LRP1B: variants seen among roughly 807,000 people sequenced by gnomAD.
The protein encoded by LRP1B is LDL receptor related protein 1B, also known as low-density lipoprotein receptor-related protein 1B.
Under a neutral mutation model 556.6 loss-of-function variants are expected in LRP1B, and 217 were observed. The observed-to-expected ratio is 0.39, with a 90% CI of 0.35 to 0.44. The LOEUF is 0.44. LRP1B is among the 20% of genes least tolerant of loss of function. LRP1B has a pLI of 1.00. For missense variants in LRP1B, 5,053 were observed against 5,620.8 expected, an observed-to-expected ratio of 0.90 and a Z score of 3.23; for synonymous variants, 2,047 against 1,865.8, an observed-to-expected ratio of 1.10 and a Z score of -2.50.
chr2:140,527,063 G>A (rs1299482628), intron 47 of LRP1B, among the ~76,000 whole-genome samples: 1 of 151,770 alleles, frequency 6.6e-6, no homozygotes, highest in Non-Finnish European at 1.5e-5. Flanking sequence ...CCTTATTATT[G>A]TTATTATAAA....
chr2:140,378,056 T>C (rs1486161231), intron 68 of LRP1B, 124 bp downstream of exon 68: 23 of 646,412 alleles, frequency 3.6e-5, no homozygotes, highest in Non-Finnish European at 6.4e-5. Context: ...ATAATACTTA[T>C]CTCAATGTGT....
intron 1 of LRP1B, among the ~76,000 whole-genome samples, chr2:141,888,082 T>A (rs1390278110): frequency 6.6e-6 from 1 of 152,176 alleles, no homozygotes; most frequent in African/African-American, 2.4e-5. Context: ...ATTCAAAGTG[T>A]CCTCCTTCCA....
chr2:141,094,760 C>T lies in LRP1B; in HGVS notation c.1014-32487G>A, dbSNP rs1293789310. On this transcript the variant is annotated intron_variant, in intron 7 of 90. Transcript: ENST00000389484. Reference sequence around the variant, plus strand: ...GCCTCTCAGGCCATACAGCTGTTGTCTAGAAACTCAAGGAAGAATTTTAAG... The same window carrying T: ...GCCTCTCAGGCCATACAGCTGTTGTTTAGAAACTCAAGGAAGAATTTTAAG... Among the ~76,000 whole-genome samples the T allele has an allele frequency of 2.0e-5, 3 of 152,240 alleles. No homozygotes were observed. The East Asian group carries it at 5.8e-4, about 29-fold the overall frequency.
intron 2 of LRP1B, among the ~76,000 whole-genome samples, chr2:141,717,434 C>A (rs553639131): frequency 6.6e-6 from 1 of 152,316 alleles, no homozygotes; most frequent in South Asian, 2.1e-4. Flanking sequence ...AGTGGCAGAA[C>A]TCCAGTGTTT....
chr2:141,304,540 C>T (rs576110464), intron 3 of LRP1B, among the ~76,000 whole-genome samples: 26 of 137,668 alleles, frequency 1.9e-4, no homozygotes, highest in South Asian at 6.8e-4. Flanking sequence ...AGTACAGTGG[C>T]GTGATCTTGG....
chr2:140,327,981 A>C (rs532578212), intron 79 of LRP1B, among the ~76,000 whole-genome samples: 1 of 152,202 alleles, frequency 6.6e-6, no homozygotes, highest in East Asian at 1.9e-4. Context: ...TAAAAGAGAT[A>C]GTCTTCTAAA....
chr2:141,297,823 C>A (rs992484267), intron 3 of LRP1B, among the ~76,000 whole-genome samples: 3 of 152,096 alleles, frequency 2.0e-5, no homozygotes, highest in Non-Finnish European at 4.4e-5. Flanking sequence ...TTTAGATACA[C>A]AAACACTTAC....
At chr2:140,703,156 G>T (rs1280484500) in intron 37 of LRP1B, among the ~76,000 whole-genome samples, 2 of 152,034 alleles carry the variant, frequency 1.3e-5, no homozygotes, top group Non-Finnish European at 2.9e-5. Flanking sequence ...TACTTAGACT[G>T]CTAAATGTAA....
chr2:140,957,186 T>A (rs1347491921), intron 18 of LRP1B, among the ~76,000 whole-genome samples: 2 of 151,718 alleles, frequency 1.3e-5, no homozygotes, highest in African/African-American at 2.4e-5. Context: ...CGGCTATTTA[T>A]GTATTGCTTC....
intron 3 of LRP1B, among the ~76,000 whole-genome samples, chr2:141,411,328 T>A (rs1187131616): frequency 6.6e-6 from 1 of 152,148 alleles, no homozygotes; most frequent in Non-Finnish European, 1.5e-5. Context: ...AAAAGATTGA[T>A]GTCAGGTGTA....
chr2:141,576,404 A>T (rs1686745405), intron 2 of LRP1B, among the ~76,000 whole-genome samples: 1 of 152,168 alleles, frequency 6.6e-6, no homozygotes, highest in African/African-American at 2.4e-5. Flanking sequence ...AACATTGAGA[A>T]CACATGGACA....
At chr2:141,199,055 G>C (rs547090314) in intron 6 of LRP1B, among the ~76,000 whole-genome samples, 4 of 152,206 alleles carry the variant, frequency 2.6e-5, no homozygotes, top group African/African-American at 9.6e-5. Flanking sequence ...AGAGAACCCA[G>C]AGTGATCATT....
intron 85 of LRP1B, among the ~76,000 whole-genome samples, chr2:140,273,772 C>T (rs368838151): frequency 2.0e-5 from 3 of 152,040 alleles, no homozygotes; most frequent in East Asian, 1.9e-4. Flanking sequence ...GTGGCATAAA[C>T]TGGTTTCACG....
chr2:141,496,444 G>A (rs567975243), intron 2 of LRP1B, among the ~76,000 whole-genome samples: 58 of 152,134 alleles, frequency 3.8e-4, no homozygotes, highest in African/African-American at 9.4e-4. Flanking sequence ...AAAGTGTAAC[G>A]TTCTAATGCC....
chr2:141,735,587 C>A (rs1693435435), intron 2 of LRP1B, among the ~76,000 whole-genome samples: 1 of 151,886 alleles, frequency 6.6e-6, no homozygotes, highest in Non-Finnish European at 1.5e-5. Context: ...GAGAGCCCTC[C>A]ATTACTGCCC....
chr2:141,300,595 TAAC>T (rs893398409), intron 3 of LRP1B, among the ~76,000 whole-genome samples: 2 of 152,176 alleles, frequency 1.3e-5, no homozygotes, highest in African/African-American at 4.8e-5. Context: ...TCTCATGGTT[TAAC>T]AACATCCCCC....
intron 7 of LRP1B, among the ~76,000 whole-genome samples, chr2:141,142,698 T>C (rs1299027954): frequency 6.6e-6 from 1 of 152,128 alleles, no homozygotes. Flanking sequence ...GGATTAATCA[T>C]AGCATTTAGA....
chr2:141,676,556 T>C (rs574190781), intron 2 of LRP1B, among the ~76,000 whole-genome samples: 18 of 152,330 alleles, frequency 1.2e-4, no homozygotes, highest in African/African-American at 4.1e-4. Flanking sequence ...GCTTTTATCA[T>C]CAAAAGTTTC....
At chr2:141,777,973 G>A (rs146223635) in intron 2 of LRP1B, among the ~76,000 whole-genome samples, 41 of 152,104 alleles carry the variant, frequency 2.7e-4, no homozygotes, top group African/African-American at 9.2e-4. Flanking sequence ...TATTCTATTT[G>A]TATAGATATA....
Sources: gnomAD v4.1 joint callset for allele counts (sites outside exome capture counted in the v4.1 genomes callset) on GRCh38, gnomAD v4.1.1 for gene constraint, MANE v1.5 for transcripts, NCBI Gene and HGNC (gene_info 2026-07-23, HGNC 2026-07-21) for gene names.